Variants in MRTFA observed in about 807,000 individuals in gnomAD.
The protein encoded by MRTFA is myocardin-related transcription factor A.
In MRTFA, 20 loss-of-function variants were observed where a neutral mutation model predicts 83.5. The ratio of observed to expected loss-of-function variants is 0.24; its 90% CI spans 0.17 to 0.35. The LOEUF is 0.35. MRTFA is among the 10% of genes least tolerant of loss of function. The pLI is 1.00. For synonymous variants in MRTFA, 659 were observed against 541.2 expected, an observed-to-expected ratio of 1.22 and a Z score of -3.02; for missense variants, 1,200 against 1,224.7, an observed-to-expected ratio of 0.98 and a Z score of 0.30.
chr22:40,599,517 G>A lies in MRTFA; in HGVS notation c.-83-4782C>T, dbSNP rs2056233053. 2.0e-5 allele frequency among the ~76,000 whole-genome samples: 3 copies of A among 152,068 alleles called. No individual in the cohort carries two copies. In the South Asian group the frequency reaches 6.2e-4, roughly 31 times the overall value. On this transcript the variant is annotated intron_variant, in intron 1 of 14. Coordinates refer to ENST00000355630, the MANE Select transcript of MRTFA (RefSeq NM_020831.6). ...CACAAAGAAAAAAAGCAATTTCATAGAATTCTGGGTCTTCTTTCAAACAAG... is the reference window on the plus strand; with the variant it reads ...CACAAAGAAAAAAAGCAATTTCATAAAATTCTGGGTCTTCTTTCAAACAAG...
At chr22:40,481,510 G>A (rs6001931) in intron 3 of MRTFA, among the ~76,000 whole-genome samples, 18,302 of 152,000 alleles carry the variant, frequency 0.12, 1,284 homozygotes, top group East Asian at 0.24. Context: ...TAAGGTGTAC[G>A]TATTATAATT....
At chr22:40,588,015 C>A in intron 2 of MRTFA, 1 of 202,052 alleles carries the variant, frequency 4.9e-6, no homozygotes. Context: ...GGTGAGAAGG[C>A]CACACTCCAA....
At chr22:40,548,969 A>G (rs975046248) in intron 3 of MRTFA, among the ~76,000 whole-genome samples, 1 of 152,254 alleles carries the variant, frequency 6.6e-6, no homozygotes, top group African/African-American at 2.4e-5. Flanking sequence ...AAACTCTGTA[A>G]GACATTAAAG....
At chr22:40,455,645 C>CAAA (rs55723146) in intron 4 of MRTFA, among the ~76,000 whole-genome samples, 2 of 77,580 alleles carry the variant, frequency 2.6e-5, no homozygotes, top group Non-Finnish European at 4.8e-5. Context: ...GATGCAGTCT[C>CAAA]AAAAAAAAAA....
chr22:40,455,314 T>C (rs2053562429), intron 4 of MRTFA, among the ~76,000 whole-genome samples: 1 of 152,150 alleles, frequency 6.6e-6, no homozygotes, highest in African/African-American at 2.4e-5. Context: ...ACAGGGCTGG[T>C]CTAGCACCTA....
intron 1 of MRTFA, among the ~76,000 whole-genome samples, chr22:40,615,889 G>A (rs1602498482): frequency 6.6e-6 from 1 of 151,790 alleles, no homozygotes; most frequent in Non-Finnish European, 1.5e-5. Context: ...TTCGCCACGT[G>A]GGCCAGGCTG....
intron 3 of MRTFA, among the ~76,000 whole-genome samples, chr22:40,544,465 C>A (rs1426548096): frequency 6.6e-6 from 1 of 152,104 alleles, no homozygotes; most frequent in Non-Finnish European, 1.5e-5. Context: ...GGCCTCAAGC[C>A]ATCCTCCCGC....
rs754376465 is a variant in MRTFA at position 40,467,849 on chromosome 22, C to T, written c.242-4563G>A. Among the ~76,000 whole-genome samples, 225 of 152,016 alleles carry T rather than the reference C, an allele frequency of 1.5e-3. 1 individual carries two copies. Among genetic ancestry groups the T allele is most frequent in the Non-Finnish European group, 1.7e-3 (117 of 68,014 alleles). On this transcript the variant is annotated intron_variant, in intron 3 of 14. Coordinates refer to ENST00000355630, the MANE Select transcript of MRTFA (RefSeq NM_020831.6). ...TTAATCCTTTACTGTTACTGATTTC[C>T]ACAAATTTAATATATCATGTTTCTA...
intron 3 of MRTFA, among the ~76,000 whole-genome samples, chr22:40,504,150 T>C (rs894424012): frequency 6.6e-6 from 1 of 152,164 alleles, no homozygotes; most frequent in Non-Finnish European, 1.5e-5. Flanking sequence ...ATATAAAAAT[T>C]CATAACTGAC....
At chr22:40,505,193 T>C (rs1215918350) in intron 3 of MRTFA, among the ~76,000 whole-genome samples, 1 of 152,156 alleles carries the variant, frequency 6.6e-6, no homozygotes, top group Non-Finnish European at 1.5e-5. Context: ...CAAAGGGAAA[T>C]GGAAAGACCT....
At chr22:40,500,758 T>G (rs1238951756) in intron 3 of MRTFA, among the ~76,000 whole-genome samples, 1 of 150,396 alleles carries the variant, frequency 6.6e-6, no homozygotes, top group East Asian at 1.9e-4. Flanking sequence ...TTTTTCTTAG[T>G]GCAGAACAAA....
chr22:40,410,519 G>T lies in MRTFA; in HGVS notation c.*871C>A, dbSNP rs905029682. 4.3e-6 allele frequency: 1 copy of T among 233,444 alleles called. No individual in the cohort carries two copies. 14.5% of individuals were successfully genotyped at this position (233,444 alleles called of 1,614,324 possible). A position where few individuals can be genotyped will look rare whatever the true frequency, so the allele number is the denominator to read the frequency against. On this transcript the variant is annotated 3_prime_UTR_variant, in exon 15 of 15. Transcript: ENST00000355630. ...TGCAGTGAGGCGGCGGGGACGGAAT[G>T]TGAGTGGGTGGAGAGCTCCTGGCAG...
intron 3 of MRTFA, among the ~76,000 whole-genome samples, chr22:40,491,501 T>C (rs540935352): frequency 9.9e-5 from 15 of 152,188 alleles, no homozygotes; most frequent in Non-Finnish European, 2.1e-4. Context: ...AATTATGATG[T>C]CTTAGTGTTA....
At chr22:40,598,023 T>G (rs2056213669) in intron 1 of MRTFA, among the ~76,000 whole-genome samples, 1 of 152,166 alleles carries the variant, frequency 6.6e-6, no homozygotes, top group African/African-American at 2.4e-5. Flanking sequence ...TAGGAGAGAA[T>G]GACTAAAACA....
intron 9 of MRTFA, 67 bp from the exon 10 acceptor site, chr22:40,421,167 C>T (rs2052831069): frequency 6.7e-7 from 1 of 1,491,248 alleles, no homozygotes; most frequent in Non-Finnish European, 9.0e-7. Flanking sequence ...GGGCTGGCAA[C>T]TCTCCCCACA....
intron 1 of MRTFA, among the ~76,000 whole-genome samples, chr22:40,611,779 G>A (rs531333426): frequency 6.6e-6 from 1 of 152,244 alleles, no homozygotes; most frequent in East Asian, 1.9e-4. Flanking sequence ...GTCATAATCA[G>A]ATTTCATGAA....
chr22:40,519,098 G>A (rs900926139), intron 3 of MRTFA, among the ~76,000 whole-genome samples: 2 of 151,036 alleles, frequency 1.3e-5, no homozygotes, highest in Non-Finnish European at 2.9e-5. Context: ...CGCAACCTCT[G>A]CCTCCCGGTC....
chr22:40,594,604 G>C (rs1183260107), intron 2 of MRTFA, 70 bp downstream of exon 2: 3 of 152,076 alleles, frequency 2.0e-5, no homozygotes, highest in African/African-American at 7.2e-5. Flanking sequence ...TTCTAGGTCA[G>C]TACAATTGAA....
At chr22:40,584,639 A>G (rs2056000329) in intron 2 of MRTFA, among the ~76,000 whole-genome samples, 1 of 151,440 alleles carries the variant, frequency 6.6e-6, no homozygotes, top group Non-Finnish European at 1.5e-5. Flanking sequence ...GGGAGACCGT[A>G]GCAGGAGAAT....
Sources: gnomAD v4.1 joint callset for allele counts (sites outside exome capture counted in the v4.1 genomes callset) on GRCh38, gnomAD v4.1.1 for gene constraint, MANE v1.5 for transcripts, NCBI Gene and HGNC (gene_info 2026-07-23, HGNC 2026-07-21) for gene names.